The following GSG1 variants were observed in gnomAD, a reference collection of about 807,000 sequenced individuals.
GSG1 encodes germ cell-specific gene 1 protein.
In GSG1, 28 loss-of-function variants were observed where a neutral mutation model predicts 30.8. The ratio of observed to expected loss-of-function variants is 0.91; its 90% CI spans 0.67 to 1.25. GSG1 has a LOEUF of 1.25. Ranked by LOEUF, GSG1 falls within the 50% of genes most tolerant of loss-of-function variation. The pLI, the probability that GSG1 is intolerant of heterozygous loss-of-function variation, is 0.00. For missense variants in GSG1, 435 were observed against 444.7 expected (o/e 0.98, Z 0.20); for synonymous variants, 162 against 178.0 (o/e 0.91, Z 0.71).
Position 13,085,129 on chromosome 12 carries a change from GT to G in GSG1, c.860del (p.Asn287ThrfsTer26), listed in dbSNP as rs752726381. On this transcript the variant is annotated frameshift_variant, in exon 7 of 7. Coordinates refer to ENST00000651961, the MANE Select transcript of GSG1 (RefSeq NM_001080555.4). LOFTEE classifies it low-confidence loss of function (END_TRUNC). ...KCKHSKSFKE[N>X]PNCLPHHHQC... Reference sequence around the variant, plus strand: ...GATGGTGATGTGGTAGGCAGTTCGGGTTTTCCTTGAAGCTCTTACTATGCTT... The same window carrying G: ...GATGGTGATGTGGTAGGCAGTTCGGGTTTCCTTGAAGCTCTTACTATGCTT... The G allele has an allele frequency of 1.1e-5, 17 of 1,614,200 alleles. No individual in the cohort carries two copies. Among genetic ancestry groups the G allele is most frequent in the Non-Finnish European group, 1.3e-5 (15 of 1,180,034 alleles).
rs552031131 is a variant in GSG1, at chr12:13,099,759, T to G, written c.48+3706A>C. Reference sequence around the variant, plus strand: ...TCCGGTGTTTTTTTTTGTTTTTTTTTTTTTTTTTTGTTTTTTCTTCATGTC... The same window carrying G: ...TCCGGTGTTTTTTTTTGTTTTTTTTGTTTTTTTTTGTTTTTTCTTCATGTC... On this transcript the variant is annotated intron_variant, in intron 1 of 6. Coordinates refer to ENST00000651961, the MANE Select transcript of GSG1 (RefSeq NM_001080555.4). Among the ~76,000 whole-genome samples, 122 of 144,784 alleles carry G rather than the reference T, an allele frequency of 8.4e-4. 1 individual carries two copies. The highest frequency in any genetic ancestry group is 5.9e-3 in the South Asian group (27 of 4,572). 95.0% of individuals were successfully genotyped at this position (144,784 alleles called of 152,430 possible). A position where few individuals can be genotyped will look rare whatever the true frequency, so the allele number is the denominator to read the frequency against.
At position 13,085,175 on chromosome 12, in the gene GSG1, A is replaced by G; in HGVS notation, c.815T>C (p.Met272Thr). Residue 272 changes from methionine to threonine, a missense_variant, in exon 7 of 7, where the codon ATG becomes ACG. Transcript: ENST00000651961. ...ATGCTTGCACTTGAACTCCAGCACC[A>G]TCCTGGTGTACGTGTTGAAGGTGGT... Reference protein sequence around the residue: ...AVTTFNTYTRMVLEFKCKHSK... With the variant: ...AVTTFNTYTRTVLEFKCKHSK... 1 of 1,614,132 alleles carries G rather than the reference A, an allele frequency of 6.2e-7. No individual in the cohort carries two copies. The highest frequency in any genetic ancestry group is 8.5e-7 in the Non-Finnish European group (1 of 1,179,976).
At position 13,085,893 on chromosome 12, in the gene GSG1, G is replaced by A. The variant is rs184633474; in HGVS notation, c.747-650C>T. 1.2e-3 allele frequency among the ~76,000 whole-genome samples: 179 copies of A among 152,310 alleles called. 2 individuals carry two copies. The highest frequency in any genetic ancestry group is 4.2e-3 in the African/African-American group (175 of 41,560). ...GTGTGGTTTTGGCTTAAGGGAGTTTGTAATGGGTGGGAGAGGAGCTGGAGA... is the reference window on the plus strand; with the variant it reads ...GTGTGGTTTTGGCTTAAGGGAGTTTATAATGGGTGGGAGAGGAGCTGGAGA... On this transcript the variant is annotated intron_variant, in intron 6 of 6. Transcript: ENST00000651961.
Position 13,093,130 on chromosome 12 carries a change from CAT to C in GSG1, c.49-2314_49-2313del, listed in dbSNP as rs1866322124. ...AAGCTTTTAACTTTATGTAAAATAA[CAT>C]TAATACATATAAATATATAATTATA... is the stretch of plus-strand genomic sequence containing the variant. On this transcript the variant is annotated intron_variant, in intron 1 of 6. Coordinates refer to ENST00000651961, the MANE Select transcript of GSG1 (RefSeq NM_001080555.4). This position sits in a 1 kb window ranked among gnomAD's most constrained non-coding sequence, Gnocchi z 4.6. Among the ~76,000 whole-genome samples, 1 of 151,108 alleles carries C rather than the reference CAT, an allele frequency of 6.6e-6. No homozygotes were observed. Among genetic ancestry groups the C allele is most frequent in the African/African-American group, 2.4e-5 (1 of 41,270 alleles).
At chr12:13,085,820 A>G (rs1865467324) in intron 6 of GSG1, among the ~76,000 whole-genome samples, 1 of 152,218 alleles carries the variant, frequency 6.6e-6, no homozygotes, top group South Asian at 2.1e-4. Context: ...ACTACAAATC[A>G]GGAGGTATTA....
chr12:13,087,002 C>A, intron 6 of GSG1, 150 bp downstream of exon 6: 1 of 579,570 alleles, frequency 1.7e-6, no homozygotes, highest in Non-Finnish European at 3.1e-6. Context: ...ATGGATGTGC[C>A]CTGATGATGC....
chr12:13,087,452 A>G (rs1019078481), intron 5 of GSG1, among the ~76,000 whole-genome samples, 189 bp from the exon 6 acceptor site: 5 of 152,128 alleles, frequency 3.3e-5, no homozygotes, highest in Admixed American at 6.5e-5. Context: ...ACATCTTTGC[A>G]ATAGGTGACC....
intron 2 of GSG1, 76 bp downstream of exon 2, chr12:13,090,427 A>T (rs1591633785): frequency 7.1e-7 from 1 of 1,404,126 alleles, no homozygotes; most frequent in South Asian, 1.3e-5. Context: ...AAGCGGGCCT[A>T]CCTGATTTCC....
At position 13,093,157 on chromosome 12, in the gene GSG1, ATAAT is replaced by A. The variant is rs1235478370; in HGVS notation, c.49-2343_49-2340del. Reference sequence around the variant, plus strand: ...TTAATACATATAAATATATAATTATATAATTAATAATTGACAAGGCAATTGATAA... The same window carrying A: ...TTAATACATATAAATATATAATTATATAATAATTGACAAGGCAATTGATAA... On this transcript the variant is annotated intron_variant, in intron 1 of 6. Coordinates refer to ENST00000651961, the MANE Select transcript of GSG1 (RefSeq NM_001080555.4). This position sits in a 1 kb window ranked among gnomAD's most constrained non-coding sequence, Gnocchi z 4.6. Among the ~76,000 whole-genome samples, 2 of 151,530 alleles carry A rather than the reference ATAAT, an allele frequency of 1.3e-5. No individual in the cohort carries two copies. The highest frequency in any genetic ancestry group is 1.5e-5 in the Non-Finnish European group (1 of 67,908).
At position 13,090,570 on chromosome 12, in the gene GSG1, GT is replaced by G; in HGVS notation, c.296del (p.Asp99AlafsTer87). On this transcript the variant is annotated frameshift_variant, in exon 2 of 7. Transcript: ENST00000651961. LOFTEE classifies it high-confidence loss of function. ...TCCGGAAGCTCCGGAAGGAGAACCGGTCATCCCCAGTCTCCCAGTTGTATTG... is the reference window on the plus strand; with the variant it reads ...TCCGGAAGCTCCGGAAGGAGAACCGGCATCCCCAGTCTCCCAGTTGTATTG... ...VVQYNWETGD[D>X]RFSFRSFRSG... 6.2e-7 allele frequency: 1 copy of G among 1,614,240 alleles called. No homozygotes were observed. Among genetic ancestry groups the G allele is most frequent in the South Asian group, 1.1e-5 (1 of 91,088 alleles).
intron 1 of GSG1, among the ~76,000 whole-genome samples, chr12:13,102,029 A>C (rs1863250934): frequency 6.6e-6 from 1 of 152,174 alleles, no homozygotes; most frequent in Non-Finnish European, 1.5e-5. Flanking sequence ...GGGGAAGTGC[A>C]CCTGTGCTAC....
At chr12:13,090,266 G>C (rs533427678) in intron 2 of GSG1, among the ~76,000 whole-genome samples, 1 of 152,190 alleles carries the variant, frequency 6.6e-6, no homozygotes, top group South Asian at 2.1e-4. Context: ...ACAGAGGGAG[G>C]AAGTGAAAAT....
rs1223930325 is a variant in GSG1, at chr12:13,084,216, G to C, written c.*685C>G. 1 of 152,156 alleles carries C rather than the reference G, an allele frequency of 6.6e-6. No individual in the cohort carries two copies. The highest frequency in any genetic ancestry group is 1.5e-5 in the Non-Finnish European group (1 of 68,024). The allele number at this position is 152,156 out of a possible 1,614,324, so 9.4% of individuals were successfully genotyped here. Reference sequence around the variant, plus strand: ...CCCCTTGTTCACTGGGAAGTCCCTGGTGTGACTGTCCAGAAGGGAACCACA... The same window carrying C: ...CCCCTTGTTCACTGGGAAGTCCCTGCTGTGACTGTCCAGAAGGGAACCACA... On this transcript the variant is annotated 3_prime_UTR_variant, in exon 7 of 7. Transcript: ENST00000651961.
chr12:13,102,854 C>T (rs998028830), intron 1 of GSG1, among the ~76,000 whole-genome samples: 1 of 152,252 alleles, frequency 6.6e-6, no homozygotes, highest in African/African-American at 2.4e-5. Flanking sequence ...GCTAAACAAG[C>T]CGCAACTTCT....
At position 13,090,716 on chromosome 12, in the gene GSG1, A is replaced by G; in HGVS notation, c.151T>C (p.Trp51Arg). The stretch of plus-strand genomic sequence containing the variant: ...GGCACCTTCTGTGTGCCCACAAACC[A>G]GTAGTTGCTGAGCAGGGATGTTGTG... ...FSTTSLLSNYWFVGTQKVPKP... is the reference protein window; with the variant it reads ...FSTTSLLSNYRFVGTQKVPKP... The change falls in exon 2 of 7, where the codon TGG becomes CGG. Residue 51 changes from tryptophan (W) to arginine (R), a missense_variant. Trp to Arg is a moderately radical substitution (Grantham distance 101). Coordinates refer to ENST00000651961, the MANE Select transcript of GSG1 (RefSeq NM_001080555.4). 3 of 1,614,258 alleles carry G rather than the reference A, an allele frequency of 1.9e-6. No homozygotes were observed. Among genetic ancestry groups the G allele is most frequent in the East Asian group, 2.2e-5 (1 of 44,884 alleles).
At chr12:13,103,346 C>T (rs1298032827) in intron 1 of GSG1, 119 bp downstream of exon 1, 1 of 815,536 alleles carries the variant, frequency 1.2e-6, no homozygotes, top group South Asian at 1.5e-5. Flanking sequence ...TTTCCAAGCT[C>T]TTTACTGTGA....
intron 1 of GSG1, among the ~76,000 whole-genome samples, chr12:13,094,349 A>G (rs934533880): frequency 6.6e-6 from 1 of 152,242 alleles, no homozygotes; most frequent in African/African-American, 2.4e-5. Context: ...GATAAAGACA[A>G]CTTCTGAAAA....
intron 6 of GSG1, among the ~76,000 whole-genome samples, chr12:13,085,557 G>T (rs1865442652): frequency 6.6e-6 from 1 of 151,846 alleles, no homozygotes; most frequent in South Asian, 2.1e-4. Flanking sequence ...TTGGACTCCT[G>T]TTTCCCAAGC....
intron 1 of GSG1, among the ~76,000 whole-genome samples, chr12:13,097,326 G>A (rs1359447794): frequency 2.0e-5 from 3 of 151,952 alleles, no homozygotes; most frequent in African/African-American, 7.3e-5. Flanking sequence ...AGGACAGACA[G>A]CTCCCTCCTC....
Sources: allele counts gnomAD v4.1 joint callset (sites outside exome capture counted in the v4.1 genomes callset), GRCh38; gene constraint gnomAD v4.1.1; non-coding constraint Gnocchi (gnomAD v3.1); transcripts MANE v1.5; gene names NCBI Gene and HGNC (gene_info 2026-07-23, HGNC 2026-07-21).